The following GAS7 variants were observed in gnomAD, a reference collection of about 807,000 sequenced individuals.
GAS7 encodes growth arrest specific 7, also known as growth arrest-specific protein 7.
In GAS7, 28 loss-of-function variants were observed where a neutral mutation model predicts 71.1. The ratio of observed to expected loss-of-function variants is 0.39; its 90% confidence interval spans 0.29 to 0.54. The LOEUF (loss-of-function observed/expected upper bound fraction) is 0.54. Ranked by LOEUF, GAS7 falls within the 20% of genes least tolerant of loss-of-function variation. The pLI is 0.62. For missense variants in GAS7, 436 were observed against 627.8 expected (o/e 0.69, Z 3.27); for synonymous variants, 258 against 245.8 (o/e 1.05, Z -0.46).
At chr17:10,107,659 A>G (rs2073771299) in intron 1 of GAS7, among the ~76,000 whole-genome samples, 1 of 138,658 alleles carries the variant, frequency 7.2e-6, no homozygotes, top group African/African-American at 2.8e-5. Flanking sequence ...TACACAGTCC[A>G]GTGGTGGTGG....
At chr17:10,016,884 A>G (rs540226402) in intron 2 of GAS7, among the ~76,000 whole-genome samples, 1 of 150,972 alleles carries the variant, frequency 6.6e-6, no homozygotes, top group South Asian at 2.1e-4. Flanking sequence ...CAGGAAGTTA[A>G]CGCTGCAGTG....
chr17:10,143,135 T>C (rs927538438), intron 1 of GAS7, among the ~76,000 whole-genome samples: 1 of 152,014 alleles, frequency 6.6e-6, no homozygotes, highest in African/African-American at 2.4e-5. Flanking sequence ...TGAGCTGAGA[T>C]TGTGCCGCTA....
intron 1 of GAS7, among the ~76,000 whole-genome samples, chr17:10,058,080 A>T (rs1020448661): frequency 6.6e-6 from 1 of 152,186 alleles, no homozygotes; most frequent in Admixed American, 6.5e-5. Context: ...ACCACTCCCT[A>T]ATCTCAAGTA....
intron 1 of GAS7, among the ~76,000 whole-genome samples, chr17:10,130,864 G>C (rs1459892381): frequency 2.0e-5 from 3 of 152,174 alleles, no homozygotes; most frequent in African/African-American, 7.2e-5. Context: ...GGGGGGAACG[G>C]GAAGTGACTG....
chr17:10,119,941 G>A (rs943383331), intron 1 of GAS7, among the ~76,000 whole-genome samples: 1 of 152,158 alleles, frequency 6.6e-6, no homozygotes, highest in Admixed American at 6.5e-5. Flanking sequence ...GTCACACCCA[G>A]GCACACCAGG....
chr17:10,160,939 T>TACACACACACACACACACACACAC (rs61578754), intron 1 of GAS7, among the ~76,000 whole-genome samples: 7 of 139,702 alleles, frequency 5.0e-5, no homozygotes, highest in East Asian at 4.3e-4. Flanking sequence ...ATTGAAACCA[T>TACACACACACACACACACACACAC]ACACACACAC....
chr17:10,172,582 A>G (rs904122746), intron 1 of GAS7, among the ~76,000 whole-genome samples: 10 of 152,278 alleles, frequency 6.6e-5, no homozygotes, highest in African/African-American at 2.2e-4. Context: ...AATGAGGAAC[A>G]TACAGAACTA....
At chr17:10,016,933 G>C (rs1196143865) in intron 2 of GAS7, among the ~76,000 whole-genome samples, 1 of 150,408 alleles carries the variant, frequency 6.6e-6, no homozygotes, top group Non-Finnish European at 1.5e-5. Flanking sequence ...CTGGGCAACA[G>C]AGTGAGACCC....
At position 9,913,141 on chromosome 17, in the gene GAS7, T is replaced by C. The variant is rs1417296442; in HGVS notation, c.*4087A>G. On this transcript the variant is annotated 3_prime_UTR_variant, in exon 14 of 14. Coordinates refer to ENST00000432992, the MANE Select transcript of GAS7 (RefSeq NM_201433.2). ...ATTTGTCAAAATTCACAGAGCTGTA[T>C]ATTTCCAAAGGGTGAATTTTACTGG... 1 of 232,392 alleles carries C rather than the reference T, an allele frequency of 4.3e-6. No individual in the cohort carries two copies. The highest frequency in any genetic ancestry group is 8.5e-6 in the Non-Finnish European group (1 of 117,502). 14.4% of individuals were successfully genotyped at this position (232,392 alleles called of 1,614,324 possible). A position where few individuals can be genotyped will look rare whatever the true frequency, so the allele number is the denominator to read the frequency against.
chr17:9,928,044 C>G (rs757114614), intron 9 of GAS7, among the ~76,000 whole-genome samples: 2 of 152,010 alleles, frequency 1.3e-5, no homozygotes, highest in Non-Finnish European at 2.9e-5. Flanking sequence ...ATCCCACCCC[C>G]CTTTAAAAGA....
At chr17:10,122,614 T>A (rs1327680642) in intron 1 of GAS7, among the ~76,000 whole-genome samples, 3 of 152,082 alleles carry the variant, frequency 2.0e-5, no homozygotes, top group Non-Finnish European at 4.4e-5. Flanking sequence ...CCACTTGTGG[T>A]GAAAAGCCCC....
intron 4 of GAS7, among the ~76,000 whole-genome samples, chr17:9,964,642 T>C (rs1165579598): frequency 6.6e-6 from 1 of 152,210 alleles, no homozygotes; most frequent in Non-Finnish European, 1.5e-5. Context: ...GTATCTTTTC[T>C]TAAGGTACCT....
At chr17:10,188,288 C>T (rs532025103) in intron 1 of GAS7, among the ~76,000 whole-genome samples, 2 of 152,178 alleles carry the variant, frequency 1.3e-5, no homozygotes, top group Non-Finnish European at 2.9e-5. Flanking sequence ...GAACCCCTTC[C>T]GCATGTTCTG....
At chr17:9,983,797 A>T (rs1361187617) in intron 2 of GAS7, among the ~76,000 whole-genome samples, 1 of 152,162 alleles carries the variant, frequency 6.6e-6, no homozygotes, top group Non-Finnish European at 1.5e-5. Flanking sequence ...AAAAATAAAT[A>T]AACAAATAAA....
chr17:10,014,781 A>C (rs2071924320), intron 2 of GAS7, among the ~76,000 whole-genome samples: 1 of 152,094 alleles, frequency 6.6e-6, no homozygotes, highest in Admixed American at 6.6e-5. Flanking sequence ...ATCTAGTTTG[A>C]TTTTGGATCC....
intron 1 of GAS7, among the ~76,000 whole-genome samples, chr17:10,104,019 T>A (rs572752642): frequency 6.6e-6 from 1 of 152,246 alleles, no homozygotes; most frequent in South Asian, 2.1e-4. Flanking sequence ...AATACCTACC[T>A]TTAAATTTAA....
intron 1 of GAS7, among the ~76,000 whole-genome samples, chr17:10,088,806 G>A (rs981610642): frequency 6.6e-6 from 1 of 152,078 alleles, no homozygotes; most frequent in Non-Finnish European, 1.5e-5. Flanking sequence ...GGAAAAGCTA[G>A]GAGGAGAGGG....
Position 10,033,726 on chromosome 17 carries a change from G to A in GAS7, c.184-13829C>T, listed in dbSNP as rs530469813. On this transcript the variant is annotated intron_variant, in intron 1 of 13. Transcript: ENST00000432992. The stretch of plus-strand genomic sequence containing the variant: ...TAAGAGTAGGTGCCTCTGACGGCCC[G>A]CCTGCACCTGCGATCCAGCTGGCCT... Among the ~76,000 whole-genome samples the A allele has an allele frequency of 1.5e-4, 23 of 152,206 alleles. 1 individual carries two copies. Among genetic ancestry groups the A allele is most frequent in the Admixed American group, 1.4e-3 (22 of 15,282 alleles).
chr17:10,113,195 G>A (rs1050169816), intron 1 of GAS7, among the ~76,000 whole-genome samples: 1 of 152,142 alleles, frequency 6.6e-6, no homozygotes, highest in Non-Finnish European at 1.5e-5. Flanking sequence ...CACGATGCTG[G>A]CAAGGCTATG....
Sources: gnomAD v4.1 joint callset for allele counts (sites outside exome capture counted in the v4.1 genomes callset) on GRCh38, gnomAD v4.1.1 for gene constraint, MANE v1.5 for transcripts, NCBI Gene and HGNC (gene_info 2026-07-23, HGNC 2026-07-21) for gene names.